Variants in FBN2 observed in about 807,000 individuals in gnomAD.
FBN2 encodes fibrillin 2.
FBN2 carries 105 observed loss-of-function variants against 355.6 expected under a neutral mutation model. That is an observed-to-expected ratio of 0.30 (90% CI 0.25 to 0.35). The LOEUF is 0.35. Ranked by LOEUF, FBN2 falls within the 10% of genes least tolerant of loss-of-function variation. The probability of loss-of-function intolerance (pLI) is 1.00; values close to 1 mark genes in which losing one functional copy is unlikely to be tolerated. For missense variants in FBN2, 3,280 were observed against 3,758.7 expected (o/e 0.87, Z 3.33); for synonymous variants, 1,350 against 1,301.2 (o/e 1.04, Z -0.81).
chr5:128,288,566 G>T lies in FBN2; in HGVS notation c.6638-9C>A, dbSNP rs759164136. 1 of 1,612,846 alleles carries T rather than the reference G, an allele frequency of 6.2e-7. No homozygotes were observed. The highest frequency in any genetic ancestry group is 2.2e-5 in the East Asian group (1 of 44,870). On this transcript the variant is annotated splice_polypyrimidine_tract_variant and intron_variant, in intron 52 of 64. Transcript: ENST00000262464. Reference sequence around the variant, plus strand: ...TGAACACTCATCAGTATCTGAAAAAGAAGAATAAGAAACTGCCACAAAGAT... The same window carrying T: ...TGAACACTCATCAGTATCTGAAAAATAAGAATAAGAAACTGCCACAAAGAT...
At chr5:128,318,346 G>C in intron 35 of FBN2, 75 bp from the exon 36 acceptor site, 1 of 1,535,234 alleles carries the variant, frequency 6.5e-7, no homozygotes, top group Non-Finnish European at 9.0e-7. Context: ...AAAGAATTTG[G>C]TGGAATTTTT....
At chr5:128,448,441 G>A (rs1754134309) in intron 6 of FBN2, among the ~76,000 whole-genome samples, 1 of 151,936 alleles carries the variant, frequency 6.6e-6, no homozygotes, top group Non-Finnish European at 1.5e-5. Context: ...CTGAGTAGCT[G>A]GGATTACAGG....
intron 5 of FBN2, among the ~76,000 whole-genome samples, chr5:128,515,974 A>C (rs1158877154): frequency 6.6e-6 from 1 of 152,232 alleles, no homozygotes. Context: ...AGCCTTATAT[A>C]AACTTCAAAG....
chr5:128,535,257 C>T (rs2112807711), intron 2 of FBN2, among the ~76,000 whole-genome samples: 1 of 152,274 alleles, frequency 6.6e-6, no homozygotes, highest in Non-Finnish European at 1.5e-5. Context: ...GTCTTTATGA[C>T]ACTGGAGATT....
chr5:128,366,551 G>GA, intron 16 of FBN2, 121 bp from the exon 17 acceptor site: 1 of 552,218 alleles, frequency 1.8e-6, no homozygotes. Flanking sequence ...TTTTTAAAGT[G>GA]AAAAAAATTA....
intron 5 of FBN2, among the ~76,000 whole-genome samples, chr5:128,478,185 G>A (rs1755055788): frequency 6.6e-6 from 1 of 152,148 alleles, no homozygotes; most frequent in East Asian, 1.9e-4. Context: ...TTGCAACGCT[G>A]AGGGAGGTTG....
In FBN2 at chr5:128,361,812, T is replaced by C. The variant is rs1751646855; in HGVS notation, c.2465A>G (p.Asp822Gly). 1 of 1,614,038 alleles carries C rather than the reference T, an allele frequency of 6.2e-7. No homozygotes were observed. Among genetic ancestry groups the C allele is most frequent in the Non-Finnish European group, 8.5e-7 (1 of 1,180,010 alleles). ...DECLVNRLLC[D>G]NGLCRNTPGS... ...TGGCGTGTTTCGGCACAATCCGTTA[T>C]CACAAAGCAGTCTGTTTACTAAACA... The change falls in exon 19 of 65, where the codon GAT (aspartate) becomes GGT (glycine). Residue 822 changes from aspartate to glycine, a missense_variant. Physicochemically the swap from Asp to Gly is moderately conservative, Grantham distance 94. This residue lies in a region of FBN2 where 2,284 missense variants were observed against 2,749.5 expected (regional missense o/e 0.83). Transcript: ENST00000262464.
At chr5:128,358,619 C>A (rs1449858905) in intron 19 of FBN2, among the ~76,000 whole-genome samples, 2 of 151,862 alleles carry the variant, frequency 1.3e-5, no homozygotes, top group African/African-American at 4.8e-5. Flanking sequence ...CTGAGAAAAC[C>A]TCTTAAAAAT....
intron 5 of FBN2, among the ~76,000 whole-genome samples, chr5:128,477,187 C>T (rs1755025608): frequency 1.3e-5 from 2 of 152,164 alleles, no homozygotes; most frequent in Admixed American, 1.3e-4. Flanking sequence ...TTCCCAGTCA[C>T]ACTAGCCACA....
chr5:128,466,994 T>C (rs1400588497), intron 5 of FBN2, among the ~76,000 whole-genome samples: 1 of 152,142 alleles, frequency 6.6e-6, no homozygotes, highest in African/African-American at 2.4e-5. Flanking sequence ...GCAAAAAAAA[T>C]ATAAAAACAC....
At chr5:128,431,673 G>A (rs1345006550) in intron 7 of FBN2, among the ~76,000 whole-genome samples, 2 of 152,048 alleles carry the variant, frequency 1.3e-5, no homozygotes, top group Non-Finnish European at 2.9e-5. Flanking sequence ...GTCTCTCTTT[G>A]GTATATCTGA....
At chr5:128,397,553 A>G (rs1298807012) in intron 8 of FBN2, among the ~76,000 whole-genome samples, 1 of 152,222 alleles carries the variant, frequency 6.6e-6, no homozygotes, top group East Asian at 1.9e-4. Flanking sequence ...TGTACAGAAC[A>G]TGGTTGGTGG....
chr5:128,446,720 A>C, intron 6 of FBN2, 114 bp from the exon 7 acceptor site: 1 of 1,132,030 alleles, frequency 8.8e-7, no homozygotes, highest in Non-Finnish European at 1.3e-6. Context: ...AGTTTTTCTC[A>C]AGAGAGTGGG....
intron 19 of FBN2, 92 bp downstream of exon 19, chr5:128,361,631 C>A: frequency 1.4e-6 from 2 of 1,446,024 alleles, no homozygotes. Flanking sequence ...AAACAATATT[C>A]TTTTCACTAC....
At chr5:128,496,551 A>G (rs1268811517) in intron 5 of FBN2, among the ~76,000 whole-genome samples, 1 of 152,146 alleles carries the variant, frequency 6.6e-6, no homozygotes, top group Non-Finnish European at 1.5e-5. Flanking sequence ...ATAATATCAT[A>G]TTTAATGGTG....
At chr5:128,280,741 C>T (rs928877104) in intron 55 of FBN2, among the ~76,000 whole-genome samples, 1 of 151,736 alleles carries the variant, frequency 6.6e-6, no homozygotes, top group Non-Finnish European at 1.5e-5. Context: ...CCTCACAGGC[C>T]AGGAATAAAG....
At chr5:128,324,343 G>T (rs975012059) in intron 34 of FBN2, among the ~76,000 whole-genome samples, 6 of 152,104 alleles carry the variant, frequency 3.9e-5, no homozygotes, top group African/African-American at 1.4e-4. Flanking sequence ...GAATTTGTTT[G>T]TTCTTGCTTC....
At chr5:128,361,196 A>T (rs1384223644) in intron 19 of FBN2, among the ~76,000 whole-genome samples, 1 of 152,246 alleles carries the variant, frequency 6.6e-6, no homozygotes, top group African/African-American at 2.4e-5. Context: ...CTCAAATGAC[A>T]ACTTTTAAAT....
intron 7 of FBN2, among the ~76,000 whole-genome samples, chr5:128,435,321 G>A (rs554469573): frequency 6.6e-5 from 10 of 152,024 alleles, no homozygotes; most frequent in Non-Finnish European, 1.5e-4. Flanking sequence ...CATCAGACTA[G>A]GCAAATATAT....
Sources: allele counts gnomAD v4.1 joint callset (sites outside exome capture counted in the v4.1 genomes callset), GRCh38; gene constraint gnomAD v4.1.1; regional missense constraint gnomAD v4.1.1; transcripts MANE v1.5; gene names NCBI Gene and HGNC (gene_info 2026-07-23, HGNC 2026-07-21).